LRRC37A3: variants seen among roughly 807,000 people sequenced by gnomAD.
LRRC37A3 encodes leucine-rich repeat-containing protein 37A3.
Under a neutral mutation model 106.2 loss-of-function variants are expected in LRRC37A3, and 25 were observed. The observed-to-expected ratio is 0.24, with a 90% CI of 0.17 to 0.33. The LOEUF (loss-of-function observed/expected upper bound fraction) is 0.33. Among genes scored for constraint, LRRC37A3 ranks in the 10% least tolerant of loss-of-function variants. The probability of loss-of-function intolerance (pLI) is 1.00; values close to 1 mark genes in which losing one functional copy is unlikely to be tolerated. For synonymous variants in LRRC37A3, 305 were observed against 635.8 expected (o/e 0.48, Z 7.83); for missense variants, 712 against 1,644.9 (o/e 0.43, Z 9.81).
At chr17:64,855,953 T>A (rs987722626) in intron 13 of LRRC37A3, 64 bp from the exon 14 acceptor site, 160 of 1,608,912 alleles carry the variant, frequency 9.9e-5, no homozygotes, top group Non-Finnish European at 1.3e-4. Flanking sequence ...CAAATCTGTA[T>A]TGATTCCTTT....
intron 13 of LRRC37A3, 65 bp from the exon 14 acceptor site, chr17:64,855,954 T>G: frequency 5.0e-6 from 8 of 1,609,028 alleles, no homozygotes; most frequent in Non-Finnish European, 5.1e-6. Flanking sequence ...AAATCTGTAT[T>G]GATTCCTTTT....
At chr17:64,864,214 G>C (rs1014016707) in intron 10 of LRRC37A3, among the ~76,000 whole-genome samples, 1 of 152,034 alleles carries the variant, frequency 6.6e-6, no homozygotes, top group African/African-American at 2.4e-5. Context: ...TTACGAGGCA[G>C]GAAGAATACA....
intron 10 of LRRC37A3, among the ~76,000 whole-genome samples, chr17:64,868,047 C>G (rs1567767535): frequency 6.6e-6 from 1 of 151,682 alleles, no homozygotes; most frequent in Non-Finnish European, 1.5e-5. Flanking sequence ...GCACTGCAGC[C>G]TGGGTGACAG....
At chr17:64,910,424 C>T (rs1974563199) in intron 2 of LRRC37A3, among the ~76,000 whole-genome samples, 1 of 152,296 alleles carries the variant, frequency 6.6e-6, no homozygotes, top group African/African-American at 2.4e-5. Flanking sequence ...ATTGTAGCAA[C>T]TAAAACAATT....
chr17:64,867,967 G>C (rs1333370835), intron 10 of LRRC37A3, among the ~76,000 whole-genome samples: 4 of 152,094 alleles, frequency 2.6e-5, no homozygotes, highest in Non-Finnish European at 5.9e-5. Context: ...CCAGCTACTC[G>C]GAAGGCTGAG....
chr17:64,896,632 G>T lies in LRRC37A3; in HGVS notation c.626C>A (p.Pro209His). The change falls in exon 4 of 15, where the codon CCC (proline) becomes CAC (histidine). Residue 209 changes from proline (P) to histidine (H), a missense_variant. Coordinates refer to ENST00000584306, the MANE Select transcript of LRRC37A3 (RefSeq NM_199340.5). ...LRVKSDEPPG[P>H]SEQVGPSQFH... Reference sequence around the variant, plus strand: ...TTGAGAAGGTCCAACTTGCTCAGAGGGCCCTGGAGGCTCATCTGACTTCAC... The same window carrying T: ...TTGAGAAGGTCCAACTTGCTCAGAGTGCCCTGGAGGCTCATCTGACTTCAC... 2 of 1,530,006 alleles carry T rather than the reference G, an allele frequency of 1.3e-6. No individual in the cohort carries two copies. Among genetic ancestry groups the T allele is most frequent in the Non-Finnish European group, 1.8e-6 (2 of 1,131,002 alleles). The allele number at this position is 1,530,006 out of a possible 1,614,324, so 94.8% of individuals were successfully genotyped here. A position where few individuals can be genotyped will look rare whatever the true frequency, so the allele number is the denominator to read the frequency against.
intron 14 of LRRC37A3, among the ~76,000 whole-genome samples, chr17:64,854,904 C>T (rs1259663494): frequency 1.3e-5 from 2 of 152,218 alleles, no homozygotes; most frequent in East Asian, 3.8e-4. Context: ...ATGGTGCTAT[C>T]GTGGCTCCCT....
At chr17:64,909,279 A>T (rs533027537) in intron 2 of LRRC37A3, among the ~76,000 whole-genome samples, 1 of 152,228 alleles carries the variant, frequency 6.6e-6, no homozygotes, top group Non-Finnish European at 1.5e-5. Context: ...AAGAAAAAAA[A>T]CAAAAAACAA....
At chr17:64,874,949 C>T (rs1973457448) in intron 8 of LRRC37A3, among the ~76,000 whole-genome samples, 1 of 151,836 alleles carries the variant, frequency 6.6e-6, no homozygotes, top group Non-Finnish European at 1.5e-5. Context: ...CCCAGGGACA[C>T]AAACACTGTG....
chr17:64,909,129 T>G (rs1215509593), intron 2 of LRRC37A3, among the ~76,000 whole-genome samples: 3 of 152,202 alleles, frequency 2.0e-5, no homozygotes, highest in Non-Finnish European at 4.4e-5. Flanking sequence ...AACCATACTT[T>G]GAGAAACACT....
At chr17:64,856,613 C>A (rs1335921742) in intron 13 of LRRC37A3, among the ~76,000 whole-genome samples, 1 of 149,658 alleles carries the variant, frequency 6.7e-6, no homozygotes, top group Non-Finnish European at 1.5e-5. Context: ...CTAGTTGAAT[C>A]TGAAGATGTG....
chr17:64,860,047 G>A lies in LRRC37A3; in HGVS notation c.4099C>T (p.Pro1367Ser), dbSNP rs1431262861. The change falls in exon 12 of 15, where the codon CCT (proline) becomes TCT (serine). Residue 1367 changes from proline to serine, a missense_variant. Transcript: ENST00000584306. ...GAFSSLRDLS[P>S]QENPFLEVSA... ...ACTTCCAGAAAAGGATTTTCTTGAGGACTCAGGTCTCTTAAGGATGAAAAA... is the reference window on the plus strand; with the variant it reads ...ACTTCCAGAAAAGGATTTTCTTGAGAACTCAGGTCTCTTAAGGATGAAAAA... The A allele has an allele frequency of 1.9e-6, 3 of 1,613,958 alleles. No individual in the cohort carries two copies. The highest frequency in any genetic ancestry group is 2.2e-5 in the East Asian group (1 of 44,888).
chr17:64,885,181 TA>T (rs1315358464), intron 8 of LRRC37A3, among the ~76,000 whole-genome samples: 1 of 102,844 alleles, frequency 9.7e-6, no homozygotes, highest in African/African-American at 3.9e-5. Flanking sequence ...TAGCTTAACA[TA>T]AACACCATCT....
chr17:64,877,893 A>G (rs1325692065), intron 8 of LRRC37A3, among the ~76,000 whole-genome samples: 1 of 152,186 alleles, frequency 6.6e-6, no homozygotes, highest in African/African-American at 2.4e-5. Context: ...TGCTGAAACA[A>G]TTCTACGTGG....
rs569684423 is a variant in LRRC37A3 at position 64,872,624 on chromosome 17, G to A, written c.2907-3458C>T. Reference sequence around the variant, plus strand: ...GTGTTTGAACATGGCAACTGTATTCGGCAATGAATAACAGTTTGGGGGAAA... The same window carrying A: ...GTGTTTGAACATGGCAACTGTATTCAGCAATGAATAACAGTTTGGGGGAAA... On this transcript the variant is annotated intron_variant, in intron 8 of 14. Coordinates refer to ENST00000584306, the MANE Select transcript of LRRC37A3 (RefSeq NM_199340.5). Among the ~76,000 whole-genome samples the A allele has an allele frequency of 3.3e-5, 5 of 152,256 alleles. No individual in the cohort carries two copies. The East Asian group carries it at 7.7e-4, about 23-fold the overall frequency.
At chr17:64,917,260 A>C (rs796170298) in intron 2 of LRRC37A3, among the ~76,000 whole-genome samples, 531 of 142,442 alleles carry the variant, frequency 3.7e-3, no homozygotes, top group Middle Eastern at 0.031. Context: ...AAAAAAAAAA[A>C]AAAAAAAAAA....
Position 64,858,300 on chromosome 17 carries a change from A to T in LRRC37A3, c.4809+479T>A, listed in dbSNP as rs1032425276. Among the ~76,000 whole-genome samples the T allele has an allele frequency of 4.5e-4, 69 of 152,360 alleles. 1 individual carries two copies. Among genetic ancestry groups the T allele is most frequent in the Admixed American group, 3.9e-3 (59 of 15,308 alleles). ...ACTGGACCTATTTAGACAATGCCTTACACACTGGAGGACGATACTGTGTAA... is the reference window on the plus strand; with the variant it reads ...ACTGGACCTATTTAGACAATGCCTTTCACACTGGAGGACGATACTGTGTAA... On this transcript the variant is annotated intron_variant, in intron 13 of 14. Coordinates refer to ENST00000584306, the MANE Select transcript of LRRC37A3 (RefSeq NM_199340.5).
At chr17:64,909,761 TACGCCC>T (rs1207133559) in intron 2 of LRRC37A3, 2 of 152,200 alleles carry the variant, frequency 1.3e-5, no homozygotes, top group Admixed American at 6.5e-5. Context: ...GACATTAATG[TACGCCC>T]ACAAAAGAAA....
intron 2 of LRRC37A3, among the ~76,000 whole-genome samples, chr17:64,916,442 A>T (rs1338845318): frequency 6.6e-6 from 1 of 151,994 alleles, no homozygotes; most frequent in African/African-American, 2.4e-5. Flanking sequence ...AAGAAGAATA[A>T]CAATAAAGAA....
Sources: gnomAD v4.1 joint callset for allele counts (sites outside exome capture counted in the v4.1 genomes callset) on GRCh38, gnomAD v4.1.1 for gene constraint, MANE v1.5 for transcripts, NCBI Gene and HGNC (gene_info 2026-07-23, HGNC 2026-07-21) for gene names.